Variants in SEC24A observed in about 807,000 individuals in gnomAD.
SEC24A encodes the protein protein transport protein Sec24A.
In SEC24A, 93 loss-of-function variants were observed where a neutral mutation model predicts 129.4. That is an observed-to-expected ratio of 0.72 (90% CI 0.61 to 0.85). SEC24A has a LOEUF of 0.85. SEC24A is among the 40% of genes least tolerant of loss of function. The pLI, the probability that SEC24A is intolerant of heterozygous loss-of-function variation, is 0.00. For synonymous variants in SEC24A, 460 were observed against 467.3 expected (o/e 0.98, Z 0.20); for missense variants, 1,264 against 1,307.4 (o/e 0.97, Z 0.51).
rs376961878 is a variant in SEC24A, at chr5:134,711,736, G to T, written c.2727+2848G>T. ...AGTAGAGACGGGGTTTCACCATGTT[G>T]GCCAGGCTGGTTTTGAACTCTTTTT... On this transcript the variant is annotated intron_variant, in intron 18 of 22. Coordinates refer to ENST00000398844, the MANE Select transcript of SEC24A (RefSeq NM_021982.3). Among the ~76,000 whole-genome samples the T allele has an allele frequency of 2.3e-4, 34 of 148,694 alleles. 1 individual carries two copies. The East Asian group carries it at 3.5e-3, about 15-fold the overall frequency.
intron 18 of SEC24A, among the ~76,000 whole-genome samples, chr5:134,711,563 CTTT>C (rs11306983): frequency 3.4e-4 from 42 of 125,356 alleles, no homozygotes; most frequent in Admixed American, 6.8e-4. Context: ...TGCTCTGCAT[CTTT>C]TTTTTTTTTT....
chr5:134,667,466 T>C (rs908137607), intron 3 of SEC24A, among the ~76,000 whole-genome samples: 2 of 151,590 alleles, frequency 1.3e-5, no homozygotes, highest in African/African-American at 2.4e-5. Flanking sequence ...CTGGCTAACA[T>C]GGTGAAACCC....
intron 16 of SEC24A, among the ~76,000 whole-genome samples, chr5:134,705,090 A>ATATATATATATT (rs1180461537): frequency 4.5e-4 from 55 of 123,298 alleles, no homozygotes; most frequent in African/African-American, 1.6e-3. Context: ...ATATATATAT[A>ATATATATATATT]TTTTTTTTTT....
intron 12 of SEC24A, 76 bp from the exon 13 acceptor site, chr5:134,693,651 A>G (rs767454190): frequency 4.5e-6 from 7 of 1,544,176 alleles, no homozygotes; most frequent in Non-Finnish European, 6.1e-6. Context: ...TGTCTTGTCT[A>G]TTGTATGAGA....
chr5:134,703,702 T>G, intron 15 of SEC24A, 57 bp from the exon 16 acceptor site: 1 of 1,136,254 alleles, frequency 8.8e-7, no homozygotes, highest in Non-Finnish European at 1.3e-6. Flanking sequence ...TAGGATAAAA[T>G]GTAAATATCA....
chr5:134,724,762 G>A (rs1457746796), intron 22 of SEC24A, among the ~76,000 whole-genome samples: 1 of 152,114 alleles, frequency 6.6e-6, no homozygotes, highest in Non-Finnish European at 1.5e-5. Flanking sequence ...ATTCAGAAAT[G>A]GAATTTCTGG....
chr5:134,700,215 TTC>T (rs1330121995), intron 15 of SEC24A, among the ~76,000 whole-genome samples: 1 of 151,892 alleles, frequency 6.6e-6, no homozygotes, highest in Non-Finnish European at 1.5e-5. Context: ...TTCTTTCTTC[TTC>T]TCTCTCTTTT....
In SEC24A at chr5:134,694,581, A is replaced by G. The variant is rs113711183; in HGVS notation, c.1986+648A>G. ...AGAATGGCGTGAACCCGGGAGGCGG[A>G]GCTTGCAGTGAGCTGAGATTGCGGC... On this transcript the variant is annotated intron_variant, in intron 13 of 22. Transcript: ENST00000398844. 3.7e-3 allele frequency among the ~76,000 whole-genome samples: 555 copies of G among 151,828 alleles called. 3 individuals carry two copies. The highest frequency in any genetic ancestry group is 0.013 in the African/African-American group (531 of 41,388).
intron 9 of SEC24A, among the ~76,000 whole-genome samples, chr5:134,684,813 A>G (rs1449249676): frequency 6.6e-6 from 1 of 152,168 alleles, no homozygotes; most frequent in Non-Finnish European, 1.5e-5. Flanking sequence ...AACAAAAAAA[A>G]CCAGAAGCAC....
rs1751881621 is a variant in SEC24A at position 134,698,050 on chromosome 5, C to G, written c.2259C>G (p.Cys753Trp). ...TTGAGGCAGTCATGAGGATTCGGTGCACCAAAGGTAGGAATATTTTTTTTT... is the reference window on the plus strand; with the variant it reads ...TTGAGGCAGTCATGAGGATTCGGTGGACCAAAGGTAGGAATATTTTTTTTT... ...IGFEAVMRIR[C>W]TKGLSIHTFH... The change falls in exon 15 of 23, where the codon TGC (cysteine) becomes TGG (tryptophan). Residue 753 changes from cysteine (C) to tryptophan (W), a missense_variant. Transcript: ENST00000398844. 6.2e-7 allele frequency: 1 copy of G among 1,602,326 alleles called. No homozygotes were observed. The highest frequency in any genetic ancestry group is 1.3e-5 in the African/African-American group (1 of 74,138).
At chr5:134,656,374 A>G (rs1005357791) in intron 1 of SEC24A, among the ~76,000 whole-genome samples, 10 of 151,590 alleles carry the variant, frequency 6.6e-5, no homozygotes, top group African/African-American at 1.9e-4. Flanking sequence ...CACCGCGCCC[A>G]GCGCAGATAA....
intron 11 of SEC24A, among the ~76,000 whole-genome samples, 186 bp downstream of exon 11, chr5:134,688,485 A>T (rs1450137826): frequency 6.6e-6 from 1 of 152,174 alleles, no homozygotes. Flanking sequence ...AATGGGGGTT[A>T]TGGAGACAAC....
chr5:134,705,774 A>G (rs919509384), intron 17 of SEC24A, among the ~76,000 whole-genome samples: 1 of 152,070 alleles, frequency 6.6e-6, no homozygotes, highest in Non-Finnish European at 1.5e-5. Context: ...CCTCATGCTC[A>G]TTAGCAGTTA....
At chr5:134,682,260 T>A in intron 8 of SEC24A, 113 bp from the exon 9 acceptor site, 13 of 536,842 alleles carry the variant, frequency 2.4e-5, no homozygotes, top group Admixed American at 7.1e-5. Flanking sequence ...AAAAAGAAAA[T>A]AATTGACATT....
intron 18 of SEC24A, among the ~76,000 whole-genome samples, chr5:134,711,460 T>G (rs1752322350): frequency 6.6e-6 from 1 of 152,032 alleles, no homozygotes; most frequent in Non-Finnish European, 1.5e-5. Flanking sequence ...GGAGGATTGA[T>G]TGCTTGAGTC....
At chr5:134,696,575 T>G (rs1020397882) in intron 13 of SEC24A, among the ~76,000 whole-genome samples, 5 of 152,086 alleles carry the variant, frequency 3.3e-5, no homozygotes, top group Non-Finnish European at 7.4e-5. Flanking sequence ...CTCAGCTCAC[T>G]GCAAGCTCCG....
intron 1 of SEC24A, among the ~76,000 whole-genome samples, chr5:134,652,707 C>G (rs1041061879): frequency 6.6e-6 from 1 of 152,232 alleles, no homozygotes; most frequent in African/African-American, 2.4e-5. Context: ...CCTGCCTCAG[C>G]TTCCCGAGTA....
At chr5:134,720,743 A>T (rs1752605795) in intron 20 of SEC24A, among the ~76,000 whole-genome samples, 1 of 151,980 alleles carries the variant, frequency 6.6e-6, no homozygotes, top group Non-Finnish European at 1.5e-5. Flanking sequence ...TCTCTACTAA[A>T]AATACAAAAA....
At chr5:134,652,319 TTCTC>T (rs1387668103) in intron 1 of SEC24A, among the ~76,000 whole-genome samples, 8 of 151,946 alleles carry the variant, frequency 5.3e-5, no homozygotes, top group East Asian at 1.9e-4. Context: ...GAGATAGTCT[TTCTC>T]TATTGCCCAG....
Sources: gnomAD v4.1 joint callset for allele counts (sites outside exome capture counted in the v4.1 genomes callset) on GRCh38, gnomAD v4.1.1 for gene constraint, MANE v1.5 for transcripts, NCBI Gene and HGNC (gene_info 2026-07-23, HGNC 2026-07-21) for gene names.